The following LRMDA variants were observed in gnomAD, a reference collection of about 807,000 sequenced individuals.
LRMDA encodes the protein leucine rich melanocyte differentiation associated.
A neutral mutation model predicts 29.8 loss-of-function variants in LRMDA; 18 were observed. The ratio of observed to expected loss-of-function variants is 0.60; its 90% CI spans 0.42 to 0.90. The LOEUF is 0.90. Among genes scored for constraint, LRMDA ranks in the 40% least tolerant of loss-of-function variants. The probability of loss-of-function intolerance (pLI) is 0.00; values close to 1 mark genes in which losing one functional copy is unlikely to be tolerated. For synonymous variants in LRMDA, 125 were observed against 109.4 expected, an observed-to-expected ratio of 1.14 and a Z score of -0.89; for missense variants, 273 against 273.9, an observed-to-expected ratio of 1.00 and a Z score of 0.02.
intron 6 of LRMDA, among the ~76,000 whole-genome samples, chr10:76,521,044 T>C (rs1589223597): frequency 6.6e-6 from 1 of 152,266 alleles, no homozygotes; most frequent in East Asian, 1.9e-4. Flanking sequence ...GAATACATAG[T>C]TGTAACTCTA....
At chr10:75,847,067 A>G (rs1351954305) in intron 2 of LRMDA, among the ~76,000 whole-genome samples, 1 of 152,178 alleles carries the variant, frequency 6.6e-6, no homozygotes, top group African/African-American at 2.4e-5. Flanking sequence ...GAAAAAGAAG[A>G]ATAAAGTTGG....
intron 6 of LRMDA, among the ~76,000 whole-genome samples, chr10:76,366,295 G>C (rs1158778960): frequency 1.3e-5 from 2 of 152,118 alleles, no homozygotes; most frequent in Non-Finnish European, 2.9e-5. Context: ...GTGGTATTCT[G>C]ATGGGGATTG....
chr10:75,922,721 T>C (rs1846046793), intron 2 of LRMDA, among the ~76,000 whole-genome samples: 1 of 152,202 alleles, frequency 6.6e-6, no homozygotes, highest in African/African-American at 2.4e-5. Flanking sequence ...CTCAGCAATG[T>C]CCTGAGGGTA....
In LRMDA at chr10:76,250,304, A is replaced by G. The variant is rs141611130; in HGVS notation, c.517-74097A>G. On this transcript the variant is annotated intron_variant, in intron 5 of 6. Coordinates refer to ENST00000611255, the MANE Select transcript of LRMDA (RefSeq NM_001305581.2). ...TGACTCTCTTTTTAACTGCATTCCTATAAATTGAGACTCTACTCATTTAAG... is the reference window on the plus strand; with the variant it reads ...TGACTCTCTTTTTAACTGCATTCCTGTAAATTGAGACTCTACTCATTTAAG... Among the ~76,000 whole-genome samples the G allele has an allele frequency of 2.0e-3, 307 of 152,314 alleles. 3 individuals are homozygous for G. Among genetic ancestry groups the G allele is most frequent in the African/African-American group, 6.9e-3 (285 of 41,568 alleles).
At chr10:76,521,204 G>C (rs958163408) in intron 6 of LRMDA, among the ~76,000 whole-genome samples, 1 of 150,222 alleles carries the variant, frequency 6.7e-6, no homozygotes, top group African/African-American at 2.5e-5. Context: ...CGCGATCTCG[G>C]CTCACTGCAA....
At chr10:76,407,389 G>A (rs1841913702) in intron 6 of LRMDA, among the ~76,000 whole-genome samples, 1 of 152,062 alleles carries the variant, frequency 6.6e-6, no homozygotes, top group Non-Finnish European at 1.5e-5. Context: ...ATACCCAGAG[G>A]AGTTGGAACA....
At chr10:75,921,083 C>T (rs572042164) in intron 2 of LRMDA, among the ~76,000 whole-genome samples, 1 of 152,252 alleles carries the variant, frequency 6.6e-6, no homozygotes, top group South Asian at 2.1e-4. Context: ...ATATTTCTGC[C>T]ACTGACATGT....
At chr10:75,982,269 G>A (rs1446485494) in intron 2 of LRMDA, among the ~76,000 whole-genome samples, 2 of 152,194 alleles carry the variant, frequency 1.3e-5, no homozygotes, top group Non-Finnish European at 2.9e-5. Context: ...AACTGATTGG[G>A]GTTTTCAGAT....
intron 2 of LRMDA, among the ~76,000 whole-genome samples, chr10:76,018,431 C>T (rs571599890): frequency 1.3e-5 from 2 of 152,240 alleles, no homozygotes; most frequent in East Asian, 1.9e-4. Flanking sequence ...CCGTAGGGAT[C>T]TCTGGGGGAT....
At chr10:75,485,115 A>G (rs1332606231) in intron 2 of LRMDA, among the ~76,000 whole-genome samples, 1 of 152,194 alleles carries the variant, frequency 6.6e-6, no homozygotes, top group East Asian at 1.9e-4. Flanking sequence ...AACTTTATCA[A>G]TATCTGCTAT....
At chr10:75,761,984 G>A (rs1843103332) in intron 2 of LRMDA, among the ~76,000 whole-genome samples, 1 of 151,870 alleles carries the variant, frequency 6.6e-6, no homozygotes, top group African/African-American at 2.4e-5. Flanking sequence ...AATACTTTTT[G>A]TAGAGATGAG....
chr10:76,127,297 C>T (rs1849900875), intron 5 of LRMDA, among the ~76,000 whole-genome samples: 2 of 152,194 alleles, frequency 1.3e-5, no homozygotes, highest in Non-Finnish European at 2.9e-5. Context: ...TGCATACATG[C>T]ACACACACAT....
chr10:75,810,871 C>T (rs1259302379), intron 2 of LRMDA, among the ~76,000 whole-genome samples: 1 of 152,126 alleles, frequency 6.6e-6, no homozygotes, highest in Non-Finnish European at 1.5e-5. Context: ...TCAGGGTTAC[C>T]CTGTTTAAAA....
chr10:75,596,844 A>G (rs1840795343), intron 2 of LRMDA, among the ~76,000 whole-genome samples: 1 of 152,228 alleles, frequency 6.6e-6, no homozygotes, highest in Admixed American at 6.5e-5. Context: ...CAAATGTGAT[A>G]CATGAGAAAT....
chr10:76,257,346 T>G (rs1852614660), intron 5 of LRMDA, among the ~76,000 whole-genome samples: 1 of 151,410 alleles, frequency 6.6e-6, no homozygotes, highest in African/African-American at 2.4e-5. Context: ...CTTTTTTTTT[T>G]TTTTGAGACA....
At chr10:75,661,263 G>T (rs1280572632) in intron 2 of LRMDA, among the ~76,000 whole-genome samples, 2 of 152,184 alleles carry the variant, frequency 1.3e-5, no homozygotes, top group African/African-American at 4.8e-5. Flanking sequence ...TTACAGACCT[G>T]CACGCCTCGA....
At chr10:75,460,334 T>C in intron 2 of LRMDA, among the ~76,000 whole-genome samples, 1 of 152,216 alleles carries the variant, frequency 6.6e-6, no homozygotes, top group Non-Finnish European at 1.5e-5. Flanking sequence ...ATTATGTTTT[T>C]TAAATAGTTA....
rs565286636 is a variant in LRMDA at position 75,772,989 on chromosome 10, A to G, written c.132-263019A>G. On this transcript the variant is annotated intron_variant, in intron 2 of 6. Transcript: ENST00000611255. ...GATTTGAGTAAAATTTAAGAAAAATACAAAAGAAAAAGGAAAGCTCTCCAT... is the reference window on the plus strand; with the variant it reads ...GATTTGAGTAAAATTTAAGAAAAATGCAAAAGAAAAAGGAAAGCTCTCCAT... Among the ~76,000 whole-genome samples, 16 of 152,332 alleles carry G rather than the reference A, an allele frequency of 1.1e-4. 1 individual carries two copies. The South Asian group carries it at 2.3e-3, about 22-fold the overall frequency.
chr10:75,758,139 A>T (rs2132225386), intron 2 of LRMDA, among the ~76,000 whole-genome samples: 1 of 152,294 alleles, frequency 6.6e-6, no homozygotes, highest in African/African-American at 2.4e-5. Flanking sequence ...GAGGCAGGTG[A>T]ACCGTAAGAG....
Sources: gnomAD v4.1 joint callset for allele counts (sites outside exome capture counted in the v4.1 genomes callset) on GRCh38, gnomAD v4.1.1 for gene constraint, MANE v1.5 for transcripts, NCBI Gene and HGNC (gene_info 2026-07-23, HGNC 2026-07-21) for gene names.